Variants in TCF4 observed in about 807,000 individuals in gnomAD.
TCF4 encodes SL3-3 enhancer factor 2.
A neutral mutation model predicts 82.1 loss-of-function variants in TCF4; 3 were observed. The ratio of observed to expected loss-of-function variants is 0.04; its 90% CI spans 0.02 to 0.09. TCF4 has a LOEUF of 0.09. Among genes scored for constraint, TCF4 ranks in the 10% least tolerant of loss-of-function variants. The probability of loss-of-function intolerance (pLI) is 1.00; values close to 1 mark genes in which losing one functional copy is unlikely to be tolerated. For missense variants in TCF4, 518 were observed against 852.7 expected, an observed-to-expected ratio of 0.61 and a Z score of 4.89; for synonymous variants, 276 against 309.6, an observed-to-expected ratio of 0.89 and a Z score of 1.14.
intron 3 of TCF4, among the ~76,000 whole-genome samples, chr18:55,465,532 C>T (rs143533629): frequency 7.3e-4 from 111 of 151,928 alleles, no homozygotes; most frequent in African/African-American, 2.6e-3. Context: ...GCACTGTGAG[C>T]TTCAAGGCAT....
chr18:55,621,658 T>C (rs1286702061), intron 2 of TCF4, among the ~76,000 whole-genome samples: 1 of 48,838 alleles, frequency 2.0e-5, no homozygotes, highest in Non-Finnish European at 3.8e-5. Context: ...CATTATATAA[T>C]ATACATTATA....
chr18:55,257,349 G>C lies in TCF4; in HGVS notation c.1112C>G (p.Ser371Trp). The C allele has an allele frequency of 6.2e-7, 1 of 1,613,736 alleles. No homozygotes were observed. The change falls in exon 14 of 20, where the codon TCG (serine) becomes TGG (tryptophan). Residue 371 changes from serine (S) to tryptophan (W), a missense_variant. Physicochemically the swap from Ser to Trp is radical, Grantham distance 177. Transcript: ENST00000354452. ...VWSRNGGQAS[S>W]SPNYEGPLHS... ...TAAGGGTCCTTCATAATTAGGAGAC[G>C]ATGAGGCCTGTCCTCCATTTCTAGA... is the stretch of plus-strand genomic sequence containing the variant.
chr18:55,607,785 T>C (rs1304631522), intron 2 of TCF4, among the ~76,000 whole-genome samples: 1 of 152,212 alleles, frequency 6.6e-6, no homozygotes, highest in South Asian at 2.1e-4. Flanking sequence ...GCTAATTCCA[T>C]TTAAGGAATG....
intron 15 of TCF4, among the ~76,000 whole-genome samples, chr18:55,250,135 A>C (rs1156729732): frequency 6.6e-6 from 1 of 152,204 alleles, no homozygotes; most frequent in Non-Finnish European, 1.5e-5. Context: ...TAATTTTGGA[A>C]GAAAAGTGGG....
chr18:55,554,776 C>T (rs1339524601), intron 3 of TCF4, among the ~76,000 whole-genome samples: 1 of 152,172 alleles, frequency 6.6e-6, no homozygotes, highest in South Asian at 2.1e-4. Flanking sequence ...CAGAACAGAT[C>T]TTCATATGCA....
intron 7 of TCF4, 148 bp downstream of exon 7, chr18:55,350,726 G>C (rs920078871): frequency 7.7e-6 from 8 of 1,038,684 alleles, no homozygotes; most frequent in African/African-American, 1.6e-5. Context: ...GTGTACTAGG[G>C]GGGAAGTCTC....
In TCF4 at chr18:55,621,520, A is replaced by AATAT. The variant is rs1568500371; in HGVS notation, c.286+9774_286+9777dup. On this transcript the variant is annotated intron_variant, in intron 2 of 20. Coordinates refer to the TCF4 transcript ENST00000398339. ...AATGTACATTATATATATATTATAT[A>AATAT]ATATTATATAATATATATATTATAT... Among the ~76,000 whole-genome samples, 33 of 4,542 alleles carry AATAT rather than the reference A, an allele frequency of 7.3e-3. 10 individuals are homozygous for AATAT. Among genetic ancestry groups the AATAT allele is most frequent in the African/African-American group, 0.024 (17 of 702 alleles). The allele number at this position is 4,542 out of a possible 152,430, so 3.0% of individuals were successfully genotyped here.
chr18:55,521,484 T>C (rs1568304713), intron 3 of TCF4, among the ~76,000 whole-genome samples: 1 of 152,112 alleles, frequency 6.6e-6, no homozygotes. Context: ...ATGCAAAACC[T>C]TCTTTCTCCC....
intron 8 of TCF4, chr18:55,302,670 G>A (rs2068703948): frequency 6.9e-7 from 1 of 1,445,820 alleles, no homozygotes; most frequent in Non-Finnish European, 9.2e-7. Flanking sequence ...TGGCCTAGGG[G>A]TGGGAGGGCC....
chr18:55,340,775 G>T (rs1405460272), intron 8 of TCF4, among the ~76,000 whole-genome samples: 3 of 152,048 alleles, frequency 2.0e-5, no homozygotes, highest in African/African-American at 2.4e-5. Flanking sequence ...CCTTGTTACT[G>T]ATAATAGCAT....
intron 6 of TCF4, among the ~76,000 whole-genome samples, chr18:55,371,738 C>A (rs1411889854): frequency 6.6e-6 from 1 of 152,134 alleles, no homozygotes; most frequent in Non-Finnish European, 1.5e-5. Context: ...GGTTCCTCTG[C>A]ACCTAGCACG....
At chr18:55,478,650 G>A (rs1291472992) in intron 3 of TCF4, among the ~76,000 whole-genome samples, 1 of 151,840 alleles carries the variant, frequency 6.6e-6, no homozygotes, top group Non-Finnish European at 1.5e-5. Context: ...ACAATATACA[G>A]CCATGCAAAA....
intron 8 of TCF4, among the ~76,000 whole-genome samples, chr18:55,328,861 G>C (rs759505212): frequency 3.3e-5 from 5 of 152,086 alleles, no homozygotes; most frequent in African/African-American, 4.8e-5. Context: ...CAATGAAAAT[G>C]GTTTTCATTC....
At chr18:55,504,440 C>T (rs1472119163) in intron 3 of TCF4, among the ~76,000 whole-genome samples, 8 of 152,178 alleles carry the variant, frequency 5.3e-5, no homozygotes. Flanking sequence ...GTAAAACTAG[C>T]TAAACATTTC....
At chr18:55,393,942 T>C (rs920169822) in intron 6 of TCF4, among the ~76,000 whole-genome samples, 1 of 152,222 alleles carries the variant, frequency 6.6e-6, no homozygotes, top group Admixed American at 6.5e-5. Flanking sequence ...TAAAACTACA[T>C]ATGCCTATAA....
rs182845833 is a variant in TCF4 at position 55,628,913 on chromosome 18, A to G, written c.286+2385T>C. Among the ~76,000 whole-genome samples the G allele has an allele frequency of 1.3e-4, 19 of 151,682 alleles. No homozygotes were observed. In the East Asian group the frequency reaches 3.5e-3, roughly 28 times the overall value. ...GCCAGACTAGACAGAAACAAGGAAT[A>G]ATCCTCTAGAAAAATAGACATAAGT... On this transcript the variant is annotated intron_variant, in intron 2 of 20. Coordinates refer to the TCF4 transcript ENST00000398339.
At chr18:55,366,012 AG>A in intron 6 of TCF4, among the ~76,000 whole-genome samples, 1 of 110,454 alleles carries the variant, frequency 9.1e-6, no homozygotes, top group Non-Finnish European at 1.9e-5. Flanking sequence ...ATATAGATAT[AG>A]ATATAGATAT....
At chr18:55,380,503 C>T (rs1444165763) in intron 6 of TCF4, among the ~76,000 whole-genome samples, 1 of 152,110 alleles carries the variant, frequency 6.6e-6, no homozygotes, top group Non-Finnish European at 1.5e-5. Context: ...ACCCTCATCA[C>T]CCAATCATCT....
At chr18:55,292,571 G>T (rs1653792705) in intron 8 of TCF4, among the ~76,000 whole-genome samples, 1 of 152,072 alleles carries the variant, frequency 6.6e-6, no homozygotes. Flanking sequence ...AAGAAGCAAG[G>T]AATGTTTCCT....
Sources: gnomAD v4.1 joint callset for allele counts (sites outside exome capture counted in the v4.1 genomes callset) on GRCh38, gnomAD v4.1.1 for gene constraint, MANE v1.5 for transcripts, NCBI Gene and HGNC (gene_info 2026-07-23, HGNC 2026-07-21) for gene names.